Variants in EML4 observed in about 807,000 individuals in gnomAD.
The protein encoded by EML4 is EMAP like 4, also known as echinoderm microtubule-associated protein-like 4.
A neutral mutation model predicts 129.0 loss-of-function variants in EML4; 72 were observed. The observed-to-expected ratio is 0.56, with a 90% confidence interval of 0.46 to 0.68. The LOEUF (loss-of-function observed/expected upper bound fraction) is 0.68. Ranked by LOEUF, EML4 falls within the 30% of genes least tolerant of loss-of-function variation. The pLI is 0.00. For missense variants in EML4, 1,363 were observed against 1,190.6 expected, an observed-to-expected ratio of 1.14 and a Z score of -2.13; for synonymous variants, 532 against 405.0, an observed-to-expected ratio of 1.31 and a Z score of -3.77.
chr2:42,284,529 G>C, intron 8 of EML4, 105 bp from the exon 9 acceptor site: 1 of 641,110 alleles, frequency 1.6e-6, no homozygotes, highest in Non-Finnish European at 2.6e-6. Flanking sequence ...ATAAACGTAT[G>C]TTTTTTAACG....
At chr2:42,251,743 A>G (rs1043777653) in intron 2 of EML4, among the ~76,000 whole-genome samples, 3 of 152,236 alleles carry the variant, frequency 2.0e-5, no homozygotes, top group East Asian at 1.9e-4. Flanking sequence ...TGGGATATCA[A>G]CTAGACTATC....
intron 1 of EML4, among the ~76,000 whole-genome samples, chr2:42,170,802 C>T (rs1256919288): frequency 6.6e-6 from 1 of 152,194 alleles, no homozygotes; most frequent in South Asian, 2.1e-4. Context: ...TAAGTCTCTA[C>T]TTGGTTAATG....
intron 1 of EML4, 130 bp from the exon 2 acceptor site, chr2:42,245,375 C>A: frequency 1.3e-6 from 1 of 797,376 alleles, no homozygotes; most frequent in Non-Finnish European, 2.0e-6. Flanking sequence ...GAAGTACAGG[C>A]ACGAGCCACT....
chr2:42,295,233 CT>C lies in EML4; in HGVS notation c.1328del (p.Leu443GlnfsTer20). On this transcript the variant is annotated frameshift_variant, in exon 12 of 23. Coordinates refer to ENST00000318522, the MANE Select transcript of EML4 (RefSeq NM_019063.5). LOFTEE classifies it high-confidence loss of function. ...IFFWTWSGNS[L>X]TRKQGIFGKY... ...CTTCTGGACCTGGAGCGGCAATTCA[CT>C]AACAAGAAAACAGGGAATTTTTGGG... The C allele has an allele frequency of 6.2e-7, 1 of 1,613,636 alleles. No homozygotes were observed. The highest frequency in any genetic ancestry group is 8.5e-7 in the Non-Finnish European group (1 of 1,179,888).
chr2:42,273,880 C>T (rs1666510324), intron 6 of EML4, among the ~76,000 whole-genome samples: 2 of 152,110 alleles, frequency 1.3e-5, no homozygotes, highest in South Asian at 4.1e-4. Context: ...AAAATCCAAA[C>T]ATGCTTACAG....
intron 9 of EML4, among the ~76,000 whole-genome samples, chr2:42,284,992 A>G (rs560569348): frequency 6.6e-6 from 1 of 152,336 alleles, no homozygotes; most frequent in African/African-American, 2.4e-5. Context: ...AAAATAACAT[A>G]TAAAGTAACC....
intron 1 of EML4, among the ~76,000 whole-genome samples, chr2:42,209,958 AC>A (rs1286921083): frequency 2.0e-5 from 3 of 152,036 alleles, no homozygotes; most frequent in African/African-American, 4.8e-5. Flanking sequence ...AAACAAACAA[AC>A]AAAAAAACCA....
At chr2:42,267,517 G>A (rs1202065563) in intron 6 of EML4, among the ~76,000 whole-genome samples, 1 of 152,208 alleles carries the variant, frequency 6.6e-6, no homozygotes, top group Non-Finnish European at 1.5e-5. Flanking sequence ...TTGAGAAGAA[G>A]CCTATTTACA....
At chr2:42,322,931 C>A (rs987099709) in intron 19 of EML4, among the ~76,000 whole-genome samples, 2 of 152,160 alleles carry the variant, frequency 1.3e-5, no homozygotes, top group Non-Finnish European at 2.9e-5. Context: ...TTCCTAAGAT[C>A]TTTTCTAAAT....
rs1001844245 is a variant in EML4, at chr2:42,184,288, G to T, written c.25+14652G>T. On this transcript the variant is annotated intron_variant, in intron 1 of 22. Transcript: ENST00000318522. ...TAGGGTACATGTGCACAACGTGCAG[G>T]TTTGTTACATATGTATACATGTGCC... 4.6e-5 allele frequency among the ~76,000 whole-genome samples: 7 copies of T among 151,902 alleles called. No individual in the cohort carries two copies. The South Asian group carries it at 6.2e-4, about 14-fold the overall frequency.
At chr2:42,199,078 G>A (rs1206301955) in intron 1 of EML4, among the ~76,000 whole-genome samples, 2 of 152,216 alleles carry the variant, frequency 1.3e-5, no homozygotes, top group Non-Finnish European at 2.9e-5. Context: ...TGGGGAGAAA[G>A]TGGAAGAACA....
At chr2:42,241,188 T>A (rs1675007850) in intron 1 of EML4, among the ~76,000 whole-genome samples, 1 of 151,730 alleles carries the variant, frequency 6.6e-6, no homozygotes, top group Admixed American at 6.6e-5. Context: ...ATGTATTTAG[T>A]CAGTGTAATA....
intron 1 of EML4, among the ~76,000 whole-genome samples, chr2:42,239,750 C>A (rs1674896945): frequency 1.4e-5 from 2 of 139,294 alleles, no homozygotes; most frequent in Admixed American, 7.8e-5. Flanking sequence ...GCTTATACTC[C>A]TACTCTATAA....
rs200461101 is a variant in EML4, at chr2:42,303,049, G to A, written c.1642-55G>A. On this transcript the variant is annotated intron_variant, in intron 14 of 22. Coordinates refer to ENST00000318522, the MANE Select transcript of EML4 (RefSeq NM_019063.5). Reference sequence around the variant, plus strand: ...TTACAGCTATAAATGCAGGCTTCGAGTAGTAATTAATGCATATTAGTATGT... The same window carrying A: ...TTACAGCTATAAATGCAGGCTTCGAATAGTAATTAATGCATATTAGTATGT... 2.1e-3 allele frequency: 3,293 copies of A among 1,558,658 alleles called. 7 individuals carry two copies. Among genetic ancestry groups the A allele is most frequent in the Non-Finnish European group, 2.7e-3 (3,107 of 1,142,416 alleles).
At chr2:42,202,217 A>G (rs895410567) in intron 1 of EML4, among the ~76,000 whole-genome samples, 48 of 152,196 alleles carry the variant, frequency 3.2e-4, no homozygotes, top group Non-Finnish European at 3.4e-4. Flanking sequence ...CTGGTGATCT[A>G]TTGCACAGTA....
At chr2:42,234,596 C>T (rs1243834102) in intron 1 of EML4, among the ~76,000 whole-genome samples, 2 of 152,144 alleles carry the variant, frequency 1.3e-5, no homozygotes, top group East Asian at 3.9e-4. Context: ...ATATATGTGT[C>T]AGTAATGTGA....
chr2:42,226,895 A>G (rs973761582), intron 1 of EML4, among the ~76,000 whole-genome samples: 1 of 152,104 alleles, frequency 6.6e-6, no homozygotes, highest in Non-Finnish European at 1.5e-5. Context: ...AAAAATGTGA[A>G]ATGAGATTAA....
intron 17 of EML4, among the ~76,000 whole-genome samples, chr2:42,308,223 C>T (rs2103751242): frequency 6.6e-6 from 1 of 152,256 alleles, no homozygotes; most frequent in Non-Finnish European, 1.5e-5. Context: ...GTTAATGCTG[C>T]AGGGCACAGT....
chr2:42,307,882 T>A (rs948363358), intron 17 of EML4, among the ~76,000 whole-genome samples: 27 of 152,212 alleles, frequency 1.8e-4, no homozygotes, highest in African/African-American at 6.3e-4. Context: ...CTGGAACCCC[T>A]GGCCTCAAGT....
Sources: gnomAD v4.1 joint callset for allele counts (sites outside exome capture counted in the v4.1 genomes callset) on GRCh38, gnomAD v4.1.1 for gene constraint, MANE v1.5 for transcripts, NCBI Gene and HGNC (gene_info 2026-07-23, HGNC 2026-07-21) for gene names.